Variants in HGS observed in about 807,000 individuals in gnomAD.
HGS encodes the protein human growth factor-regulated tyrosine kinase substrate.
A neutral mutation model predicts 109.7 loss-of-function variants in HGS; 63 were observed. The ratio of observed to expected loss-of-function variants is 0.57; its 90% CI spans 0.47 to 0.71. The LOEUF (loss-of-function observed/expected upper bound fraction) is 0.71. Ranked by LOEUF, HGS falls within the 30% of genes least tolerant of loss-of-function variation. The pLI, the probability that HGS is intolerant of heterozygous loss-of-function variation, is 0.00. For synonymous variants in HGS, 546 were observed against 437.3 expected, an observed-to-expected ratio of 1.25 and a Z score of -3.10; for missense variants, 995 against 1,068.3, an observed-to-expected ratio of 0.93 and a Z score of 0.96.
At position 81,696,008 on chromosome 17, in the gene HGS, C is replaced by A; in HGVS notation, c.1393+9C>A. 6.5e-7 allele frequency: 1 copy of A among 1,540,668 alleles called. No individual in the cohort carries two copies. ...GCTGGACGAGCGCAGGCGTAGGTGC[C>A]CGCGCCACGGGGCCTCGGCTCAGGG... On this transcript the variant is annotated intron_variant, in intron 15 of 21. Transcript: ENST00000329138.
At chr17:81,687,722 G>A (rs765056831) in intron 4 of HGS, among the ~76,000 whole-genome samples, 14 of 152,342 alleles carry the variant, frequency 9.2e-5, no homozygotes, top group Non-Finnish European at 1.8e-4. Flanking sequence ...GGATGCTGTT[G>A]CAGGTGTCAA....
At position 81,694,989 on chromosome 17, in the gene HGS, G is replaced by A. The variant is rs151025620; in HGVS notation, c.1041G>A (p.Thr347=). 3.3e-4 allele frequency: 534 copies of A among 1,614,064 alleles called. 4 individuals carry two copies. The African/African-American group carries it at 6.3e-3, about 19-fold the overall frequency. Reference sequence around the variant, plus strand: ...AGGAGGAGGCTCGCAAGAGCCCCACGCCATCTGCGCCCGTGCCCCTGACGG... The same window carrying A: ...AGGAGGAGGCTCGCAAGAGCCCCACACCATCTGCGCCCGTGCCCCTGACGG... The part of the protein sequence containing the change: ...KKQEEARKSP[T]PSAPVPLTEP... The change falls in exon 13 of 22, where the codon ACG becomes ACA. Residue 347 remains threonine, a synonymous_variant. Transcript: ENST00000329138.
Position 81,685,704 on chromosome 17 carries a change from C to T in HGS, c.122+15C>T, listed in dbSNP as rs1219349016. 1 of 1,602,754 alleles carries T rather than the reference C, an allele frequency of 6.2e-7. No individual in the cohort carries two copies. The highest frequency in any genetic ancestry group is 8.5e-7 in the Non-Finnish European group (1 of 1,173,064). ...GGGGACACACAGTGAGTTAGCGGGG[C>T]CTGTGCCCTGATGCGGAGGAGCAGC... is the stretch of plus-strand genomic sequence containing the variant. On this transcript the variant is annotated intron_variant, in intron 2 of 21. Coordinates refer to ENST00000329138, the MANE Select transcript of HGS (RefSeq NM_004712.5).
chr17:81,685,554 C>T (rs530043070), intron 1 of HGS, 51 bp from the exon 2 acceptor site: 10 of 1,353,904 alleles, frequency 7.4e-6, no homozygotes, highest in East Asian at 7.2e-5. Context: ...GGGTGCTGCA[C>T]GGGGCGTCCA....
Position 81,693,528 on chromosome 17 carries a change from ACCACTGAGCTGC to A in HGS, c.691_702del (p.Thr231_Pro234del). On this transcript the variant is annotated inframe_deletion, in exon 9 of 22. Coordinates refer to ENST00000329138, the MANE Select transcript of HGS (RefSeq NM_004712.5). The stretch of plus-strand genomic sequence containing the variant: ...GAAAGCGGAGGGAAAGGCCACTTCC[ACCACTGAGCTGC>A]CCCCCGAGTACCTGACCAGCCCCCT... 1 of 1,613,184 alleles carries A rather than the reference ACCACTGAGCTGC, an allele frequency of 6.2e-7. No homozygotes were observed. Among genetic ancestry groups the A allele is most frequent in the Admixed American group, 1.7e-5 (1 of 59,964 alleles).
Position 81,701,757 on chromosome 17 carries a change from CCAAGCCCA to C in HGS, c.*141_*148del. ...CTGCGAGTGAGGGGGGGCCTTCACCCCAAGCCCACCTCCCTTGTCCTCAGCCTACTGCA... is the reference window on the plus strand; with the variant it reads ...CTGCGAGTGAGGGGGGGCCTTCACCCCCTCCCTTGTCCTCAGCCTACTGCA... On this transcript the variant is annotated 3_prime_UTR_variant, in exon 22 of 22. Coordinates refer to ENST00000329138, the MANE Select transcript of HGS (RefSeq NM_004712.5). 1.6e-6 allele frequency: 2 copies of C among 1,261,058 alleles called. No homozygotes were observed. The highest frequency in any genetic ancestry group is 2.1e-6 in the Non-Finnish European group (2 of 939,216). The allele number at this position is 1,261,058 out of a possible 1,614,324, so 78.1% of individuals were successfully genotyped here.
chr17:81,695,688 C>G (rs1476516118), intron 14 of HGS, 98 bp from the exon 15 acceptor site: 2 of 1,095,112 alleles, frequency 1.8e-6, no homozygotes, highest in South Asian at 1.3e-5. Flanking sequence ...GGACTCTGCT[C>G]CAGGCTTGAG....
intron 13 of HGS, 35 bp from the exon 14 acceptor site, chr17:81,695,129 C>A (rs777680693): frequency 1.2e-6 from 2 of 1,613,650 alleles, no homozygotes; most frequent in South Asian, 2.2e-5. Flanking sequence ...GGATGCGGGA[C>A]AGGTTGGAGG....
chr17:81,701,311 G>A (rs1300378014), intron 21 of HGS, 180 bp downstream of exon 21: 8 of 789,294 alleles, frequency 1.0e-5, no homozygotes, highest in Non-Finnish European at 1.0e-5. Flanking sequence ...GGGCAGATAC[G>A]CGCATCCGCA....
intron 1 of HGS, 33 bp downstream of exon 1, chr17:81,684,136 G>A: frequency 6.5e-7 from 1 of 1,527,716 alleles, no homozygotes; most frequent in Non-Finnish European, 8.8e-7. Context: ...CTCGGCCTTG[G>A]TCAGCCCGCA....
Position 81,690,894 on chromosome 17 carries a change from G to C in HGS, c.537+152G>C, listed in dbSNP as rs996982885. The C allele has an allele frequency of 1.3e-5, 8 of 622,098 alleles. No individual in the cohort carries two copies. The African/African-American group carries it at 1.3e-4, about 10-fold the overall frequency. 38.5% of individuals were successfully genotyped at this position (622,098 alleles called of 1,614,324 possible). A position where few individuals can be genotyped will look rare whatever the true frequency, so the allele number is the denominator to read the frequency against. Reference sequence around the variant, plus strand: ...AGCGGGTGGCAGTGTGGCGTCAGGAGGGGGACAGTGAGGGCCCACGTAAGG... The same window carrying C: ...AGCGGGTGGCAGTGTGGCGTCAGGACGGGGACAGTGAGGGCCCACGTAAGG... On this transcript the variant is annotated intron_variant, in intron 7 of 21. Coordinates refer to ENST00000329138, the MANE Select transcript of HGS (RefSeq NM_004712.5).
intron 8 of HGS, chr17:81,693,131 G>T (rs1378425456): frequency 1.3e-5 from 3 of 239,126 alleles, no homozygotes; most frequent in Non-Finnish European, 2.4e-5. Flanking sequence ...AGCTTACTGG[G>T]CATGACAGTC....
chr17:81,690,941 C>T (rs1028052982), intron 7 of HGS, 199 bp downstream of exon 7: 31 of 545,194 alleles, frequency 5.7e-5, no homozygotes, highest in Middle Eastern at 8.9e-4. Context: ...CTGCCTGGGC[C>T]GGGCCCAGCC....
In HGS at chr17:81,696,545, A is replaced by T; in HGVS notation, c.1566+16A>T. ...GAAGAAGCAGGTGCAGTGGCTGCCC[A>T]GCCACAGGCCGGGGCCGGCTGGGGG... On this transcript the variant is annotated intron_variant, in intron 16 of 21. Transcript: ENST00000329138. 1 of 1,537,436 alleles carries T rather than the reference A, an allele frequency of 6.5e-7. No homozygotes were observed. The highest frequency in any genetic ancestry group is 1.4e-5 in the African/African-American group (1 of 73,246).
chr17:81,695,213 C>T lies in HGS; in HGVS notation c.1169C>T (p.Pro390Leu), dbSNP rs771549376. 9.9e-5 allele frequency: 160 copies of T among 1,614,052 alleles called. No homozygotes were observed. The highest frequency in any genetic ancestry group is 8.2e-4 in the Middle Eastern group (5 of 6,082). The change falls in exon 14 of 22, where the codon CCC (proline) becomes CTC (leucine). Residue 390 changes from proline (P) to leucine (L), a missense_variant. By Grantham distance (98) the Pro-to-Leu change is moderately conservative. Coordinates refer to ENST00000329138, the MANE Select transcript of HGS (RefSeq NM_004712.5). ...DSQPIPPSGG[P>L]FSEPQFHNGE... ...CAGCCCATTCCTCCCTCTGGTGGCC[C>T]CTTTAGTGAGGTAAGCTGTGGCTCC...
Position 81,691,724 on chromosome 17 carries a change from C to G in HGS, c.662+153C>G, listed in dbSNP as rs1035548302. On this transcript the variant is annotated intron_variant, in intron 8 of 21. Coordinates refer to ENST00000329138, the MANE Select transcript of HGS (RefSeq NM_004712.5). The surrounding 1 kb of genome is among the most constrained non-coding windows in gnomAD (Gnocchi z 5.3). ...GGTCAAGGGAAACCCAGGGTGGCCG[C>G]ATGCCCTCGGACCCTGCCCCACACT... The G allele has an allele frequency of 7.1e-6, 7 of 980,164 alleles. No individual in the cohort carries two copies. Among genetic ancestry groups the G allele is most frequent in the Admixed American group, 2.2e-5 (1 of 45,602 alleles). The allele number at this position is 980,164 out of a possible 1,614,324, so 60.7% of individuals were successfully genotyped here.
At chr17:81,690,467 C>T in intron 6 of HGS, 1 of 629,056 alleles carries the variant, frequency 1.6e-6, no homozygotes, top group Non-Finnish European at 2.7e-6. Context: ...GGAAAACAAG[C>T]ACCTTTGATG....
At chr17:81,697,119 G>C (rs1450626132) in intron 18 of HGS, 121 bp downstream of exon 18, 5 of 1,096,524 alleles carry the variant, frequency 4.6e-6, no homozygotes, top group Non-Finnish European at 5.1e-6. Context: ...TGTGAATGTT[G>C]TCCCTGCTTT....
At chr17:81,689,194 G>A (rs1434147333) in intron 5 of HGS, among the ~76,000 whole-genome samples, 1 of 152,216 alleles carries the variant, frequency 6.6e-6, no homozygotes, top group Non-Finnish European at 1.5e-5. Flanking sequence ...AGCCAGAGCC[G>A]GCGTGAGCAG....
Sources: allele counts gnomAD v4.1 joint callset (sites outside exome capture counted in the v4.1 genomes callset), GRCh38; gene constraint gnomAD v4.1.1; non-coding constraint Gnocchi (gnomAD v3.1); transcripts MANE v1.5; gene names NCBI Gene and HGNC (gene_info 2026-07-23, HGNC 2026-07-21).